DOCK4: variants seen among roughly 807,000 people sequenced by gnomAD.
DOCK4 encodes dedicator of cytokinesis protein 4.
In DOCK4, 97 loss-of-function variants were observed where a neutral mutation model predicts 268.1. The ratio of observed to expected loss-of-function variants is 0.36; its 90% CI spans 0.31 to 0.43. The LOEUF (loss-of-function observed/expected upper bound fraction) is 0.43, where lower values mean the gene tolerates loss of function less well. Among genes scored for constraint, DOCK4 ranks in the 20% least tolerant of loss-of-function variants. The probability of loss-of-function intolerance (pLI) is 1.00; values close to 1 mark genes in which losing one functional copy is unlikely to be tolerated. For synonymous variants in DOCK4, 954 were observed against 887.2 expected (o/e 1.08, Z -1.34); for missense variants, 2,145 against 2,455.7 (o/e 0.87, Z 2.67).
chr7:111,858,208 T>G (rs1272331798), intron 23 of DOCK4, among the ~76,000 whole-genome samples: 1 of 152,170 alleles, frequency 6.6e-6, no homozygotes, highest in Non-Finnish European at 1.5e-5. Flanking sequence ...CATTCACATA[T>G]GTCCTTCTTT....
rs1389854177 is a variant in DOCK4, at chr7:111,784,080, T to G, written c.3428+17A>C. ...GCAACATCTCACAAGTAGCACAATT[T>G]GCAAACAATGTCTTACCTAGGATAG... is the stretch of plus-strand genomic sequence containing the variant. On this transcript the variant is annotated intron_variant, in intron 33 of 52. Transcript: ENST00000428084. 1 of 1,580,562 alleles carries G rather than the reference T, an allele frequency of 6.3e-7. No individual in the cohort carries two copies. The highest frequency in any genetic ancestry group is 1.1e-5 in the South Asian group (1 of 87,280).
intron 1 of DOCK4, among the ~76,000 whole-genome samples, chr7:112,126,294 T>A (rs1025168567): frequency 3.9e-5 from 6 of 152,202 alleles, no homozygotes; most frequent in African/African-American, 1.4e-4. Context: ...TCATGCTTAG[T>A]CCTCACAGCA....
Position 111,728,682 on chromosome 7 carries a change from GTACTCCACTGGAGAGGGGGTGAAA to G in DOCK4, c.5496_5519del (p.Phe1833_Tyr1840del). 6.2e-7 allele frequency: 1 copy of G among 1,613,724 alleles called. No homozygotes were observed. Among genetic ancestry groups the G allele is most frequent in the Non-Finnish European group, 8.5e-7 (1 of 1,179,796 alleles). On this transcript the variant is annotated inframe_deletion, in exon 53 of 53. Coordinates refer to ENST00000428084, the MANE Select transcript of DOCK4 (RefSeq NM_001363540.2). Reference sequence around the variant, plus strand: ...AGTTGGAGATGAGTCCTGGCGAGTGGTACTCCACTGGAGAGGGGGTGAAAGACTGCACAGAGCCCTGCTCCGGGG... The same window carrying G: ...AGTTGGAGATGAGTCCTGGCGAGTGGGACTGCACAGAGCCCTGCTCCGGGG...
At chr7:111,885,594 T>C (rs1807774730) in intron 16 of DOCK4, among the ~76,000 whole-genome samples, 1 of 152,190 alleles carries the variant, frequency 6.6e-6, no homozygotes. Flanking sequence ...AACAAGGCAA[T>C]GTGACCCCGG....
chr7:112,010,215 C>T (rs1156411667), intron 1 of DOCK4, among the ~76,000 whole-genome samples: 1 of 152,092 alleles, frequency 6.6e-6, no homozygotes, highest in African/African-American at 2.4e-5. Context: ...GTACAAAACC[C>T]CACTGTAGGG....
intron 12 of DOCK4, among the ~76,000 whole-genome samples, chr7:111,923,996 T>C (rs1283578968): frequency 6.6e-6 from 1 of 152,212 alleles, no homozygotes; most frequent in Non-Finnish European, 1.5e-5. Flanking sequence ...AAAACAAAGA[T>C]TTTTCATTGT....
chr7:112,161,604 T>C (rs868669638), intron 1 of DOCK4, among the ~76,000 whole-genome samples: 1 of 151,944 alleles, frequency 6.6e-6, no homozygotes, highest in Admixed American at 6.6e-5. Flanking sequence ...TTTTTTAGGG[T>C]AGGAAAAAAA....
rs145687716 is a variant in DOCK4, at chr7:111,939,066, G to A, written c.977+1044C>T. On this transcript the variant is annotated intron_variant, in intron 11 of 52. Transcript: ENST00000428084. ...AGATGAAGGCAGAGATCAGAGTGAC[G>A]CGTCTACAAGCCATGGATCCCCCAG... is the stretch of plus-strand genomic sequence containing the variant. Among the ~76,000 whole-genome samples the A allele has an allele frequency of 9.1e-3, 1,377 of 151,798 alleles. 18 individuals carry two copies. The highest frequency in any genetic ancestry group is 0.032 in the African/African-American group (1,325 of 41,372).
chr7:111,776,909 C>T (rs1798479041), intron 36 of DOCK4, among the ~76,000 whole-genome samples: 1 of 152,132 alleles, frequency 6.6e-6, no homozygotes, highest in South Asian at 2.1e-4. Flanking sequence ...CAGCCTCTGC[C>T]TCCCAGGCTC....
chr7:112,029,441 G>A (rs939656834), intron 1 of DOCK4, among the ~76,000 whole-genome samples: 2 of 152,190 alleles, frequency 1.3e-5, no homozygotes, highest in African/African-American at 4.8e-5. Flanking sequence ...CAGCCTCAAA[G>A]GGAGGAAAAT....
intron 8 of DOCK4, among the ~76,000 whole-genome samples, chr7:111,952,936 C>A (rs747232950): frequency 1.2e-4 from 19 of 152,192 alleles, no homozygotes; most frequent in Non-Finnish European, 2.5e-4. Flanking sequence ...TTAAATTGAA[C>A]TATGCTAATC....
intron 51 of DOCK4, chr7:111,732,491 G>A (rs1032114671): frequency 3.4e-6 from 2 of 595,640 alleles, no homozygotes; most frequent in African/African-American, 3.7e-5. Context: ...CCAAGATATG[G>A]GAGCATCAGT....
chr7:111,842,146 A>G (rs1803750065), intron 25 of DOCK4, among the ~76,000 whole-genome samples: 1 of 152,196 alleles, frequency 6.6e-6, no homozygotes, highest in Admixed American at 6.5e-5. Context: ...AAGTACAACT[A>G]AAAACCTGAA....
chr7:111,739,071 G>GAGAT lies in DOCK4; in HGVS notation c.5232+59_5232+62dup, dbSNP rs1271585443. The GAGAT allele has an allele frequency of 5.6e-6, 8 of 1,438,298 alleles. No homozygotes were observed. The African/African-American group carries it at 8.4e-5, about 15-fold the overall frequency. The allele number at this position is 1,438,298 out of a possible 1,614,324, so 89.1% of individuals were successfully genotyped here. ...TTGGCAGCTACCGCGTGTTTCTGCA[G>GAGAT]AGATAGGTAAGCAATTCCAGAATTG... On this transcript the variant is annotated intron_variant, in intron 49 of 52. Transcript: ENST00000428084.
At chr7:111,829,725 TA>T (rs1802673418) in intron 26 of DOCK4, among the ~76,000 whole-genome samples, 1 of 152,200 alleles carries the variant, frequency 6.6e-6, no homozygotes, top group African/African-American at 2.4e-5. Context: ...AGCAACTGCT[TA>T]GAACAGTGCC....
intron 44 of DOCK4, among the ~76,000 whole-genome samples, chr7:111,745,951 A>G (rs2133470740): frequency 6.6e-6 from 1 of 152,324 alleles, no homozygotes; most frequent in African/African-American, 2.4e-5. Context: ...AAAATATTAT[A>G]TAAAATGACC....
chr7:112,138,553 C>T (rs1814582943), intron 1 of DOCK4, among the ~76,000 whole-genome samples: 1 of 152,178 alleles, frequency 6.6e-6, no homozygotes, highest in Non-Finnish European at 1.5e-5. Context: ...ACCAAAATGA[C>T]AGAATAGCAT....
At position 111,727,761 on chromosome 7, in the gene DOCK4, C is replaced by T. The variant is rs1171017755; in HGVS notation, c.*513G>A. 1 of 152,326 alleles carries T rather than the reference C, an allele frequency of 6.6e-6. No homozygotes were observed. The highest frequency in any genetic ancestry group is 1.5e-5 in the Non-Finnish European group (1 of 68,164). The allele number at this position is 152,326 out of a possible 1,614,324, so 9.4% of individuals were successfully genotyped here. On this transcript the variant is annotated 3_prime_UTR_variant, in exon 53 of 53. Transcript: ENST00000428084. ...ATTTCCAGTCCCAAGCTTTGCAACC[C>T]CTTAAGTATACTGTCTTGCTCGCCT...
intron 17 of DOCK4, 85 bp from the exon 18 acceptor site, chr7:111,872,649 C>G: frequency 8.6e-7 from 1 of 1,164,100 alleles, no homozygotes; most frequent in Non-Finnish European, 1.2e-6. Context: ...AAGTAAAATT[C>G]TTAACACATG....
Sources: gnomAD v4.1 joint callset for allele counts (sites outside exome capture counted in the v4.1 genomes callset) on GRCh38, gnomAD v4.1.1 for gene constraint, MANE v1.5 for transcripts, NCBI Gene and HGNC (gene_info 2026-07-23, HGNC 2026-07-21) for gene names.